ESRRG: variants seen among roughly 807,000 people sequenced by gnomAD.
The protein encoded by ESRRG is estrogen-related receptor gamma.
Under a neutral mutation model 44.0 loss-of-function variants are expected in ESRRG, and 13 were observed. The ratio of observed to expected loss-of-function variants is 0.30; its 90% CI spans 0.19 to 0.47. The LOEUF (loss-of-function observed/expected upper bound fraction) is 0.47. ESRRG is among the 20% of genes least tolerant of loss of function. The pLI is 1.00. For missense variants in ESRRG, 395 were observed against 580.6 expected (o/e 0.68, Z 3.29); for synonymous variants, 215 against 214.6 (o/e 1.00, Z -0.02).
chr1:216,649,893 T>A (rs2068530152), intron 3 of ESRRG, among the ~76,000 whole-genome samples: 1 of 152,124 alleles, frequency 6.6e-6, no homozygotes, highest in Non-Finnish European at 1.5e-5. Flanking sequence ...TCATTGACAC[T>A]CTGGTTCACT....
At chr1:216,726,641 C>G (rs2087581186), upstream of ESRRG, among the ~76,000 whole-genome samples, 1 of 152,162 alleles carries the variant, frequency 6.6e-6, no homozygotes, top group Admixed American at 6.6e-5. Flanking sequence ...TCAAGAAAAA[C>G]TGAACCAAAC....
chr1:217,094,831 G>A (rs2092399181), intron 1 of ESRRG, among the ~76,000 whole-genome samples: 1 of 152,154 alleles, frequency 6.6e-6, no homozygotes, highest in African/African-American at 2.4e-5. Flanking sequence ...TACAAACTCT[G>A]GGAAAGTAGG....
At chr1:217,027,500 C>T (rs1197262811) in intron 1 of ESRRG, among the ~76,000 whole-genome samples, 1 of 152,140 alleles carries the variant, frequency 6.6e-6, no homozygotes, top group Non-Finnish European at 1.5e-5. Flanking sequence ...ATGTTGTACA[C>T]TTAATTGCTC....
At chr1:216,522,301 G>GAGACGGAT (rs1021345833) in intron 5 of ESRRG, among the ~76,000 whole-genome samples, 2 of 138,548 alleles carry the variant, frequency 1.4e-5, no homozygotes, top group African/African-American at 5.4e-5. Flanking sequence ...GGAGCATGAG[G>GAGACGGAT]AGACGGATAT....
At chr1:217,059,283 T>A (rs944251027) in intron 1 of ESRRG, among the ~76,000 whole-genome samples, 3 of 151,702 alleles carry the variant, frequency 2.0e-5, no homozygotes. Flanking sequence ...TAAGCTATAG[T>A]GTAACTATAG....
chr1:216,675,056 A>G (rs2075852043), intron 2 of ESRRG, among the ~76,000 whole-genome samples: 1 of 152,062 alleles, frequency 6.6e-6, no homozygotes, highest in South Asian at 2.1e-4. Flanking sequence ...TTGAATTTCC[A>G]GATGCTCTTA....
intron 6 of ESRRG, among the ~76,000 whole-genome samples, chr1:216,513,216 A>C (rs1439009086): frequency 6.6e-6 from 1 of 152,098 alleles, no homozygotes; most frequent in South Asian, 2.1e-4. Flanking sequence ...TATAGATAAA[A>C]AGAGAGAGAG....
At chr1:216,548,657 C>T (rs2055306985) in intron 5 of ESRRG, among the ~76,000 whole-genome samples, 2 of 151,970 alleles carry the variant, frequency 1.3e-5, no homozygotes, top group South Asian at 4.1e-4. Flanking sequence ...ACCCTGATTC[C>T]AAATGTTAGA....
At chr1:217,041,648 G>T (rs1002483389) in intron 1 of ESRRG, among the ~76,000 whole-genome samples, 1 of 152,012 alleles carries the variant, frequency 6.6e-6, no homozygotes, top group Admixed American at 6.6e-5. Context: ...TTTGTTTATT[G>T]TTTCCTCCCT....
chr1:216,510,650 C>T (rs1315084702), intron 6 of ESRRG, among the ~76,000 whole-genome samples: 1 of 152,136 alleles, frequency 6.6e-6, no homozygotes, highest in East Asian at 1.9e-4. Context: ...CTTTGGGAGG[C>T]CGAGGCAGGC....
At chr1:216,760,543 C>T (rs1334637151) in intron 2 of ESRRG, among the ~76,000 whole-genome samples, 2 of 151,938 alleles carry the variant, frequency 1.3e-5, no homozygotes, top group African/African-American at 2.4e-5. Context: ...TTTGAGGCTA[C>T]AGTGAGCTAT....
intron 2 of ESRRG, among the ~76,000 whole-genome samples, chr1:216,775,891 T>C (rs111367824): frequency 0.013 from 1,944 of 151,804 alleles, 36 homozygotes; most frequent in African/African-American, 0.045. Flanking sequence ...TCACCCCCAA[T>C]TTATCACTCT....
At position 216,723,376 on chromosome 1, in the gene ESRRG, C is replaced by T; in HGVS notation, c.-77G>A. The T allele has an allele frequency of 7.3e-7, 1 of 1,374,616 alleles. No individual in the cohort carries two copies. Among genetic ancestry groups the T allele is most frequent in the Non-Finnish European group, 1.0e-6 (1 of 963,782 alleles). 85.2% of individuals were successfully genotyped at this position (1,374,616 alleles called of 1,614,324 possible). On this transcript the variant is annotated 5_prime_UTR_variant, in exon 1 of 7. The change creates a new upstream start codon in the 5' untranslated region. Coordinates refer to ENST00000408911, the MANE Select transcript of ESRRG (RefSeq NM_001438.4). ...TTGACAGAGCACAGTGCAATTAACA[C>T]AAATGTTCTCCTAGTGACAAGCCTA...
chr1:216,713,363 G>GA (rs67579659), intron 1 of ESRRG, among the ~76,000 whole-genome samples: 6,052 of 130,118 alleles, frequency 0.047, 317 homozygotes, highest in East Asian at 0.14. Flanking sequence ...TTCCTTTCTT[G>GA]AAAAAAAAAA....
At chr1:216,623,489 T>C (rs985032659) in intron 3 of ESRRG, among the ~76,000 whole-genome samples, 2 of 152,126 alleles carry the variant, frequency 1.3e-5, no homozygotes, top group African/African-American at 2.4e-5. Context: ...ACATAAAATA[T>C]TCCCTGCCCC....
At chr1:216,758,219 T>C (rs753463013) in intron 2 of ESRRG, among the ~76,000 whole-genome samples, 14 of 152,116 alleles carry the variant, frequency 9.2e-5, no homozygotes, top group Non-Finnish European at 1.8e-4. Context: ...GAAGCACTTA[T>C]GAGTTTTCTT....
At chr1:217,049,193 A>G (rs2085449810) in intron 1 of ESRRG, among the ~76,000 whole-genome samples, 1 of 152,162 alleles carries the variant, frequency 6.6e-6, no homozygotes, top group Non-Finnish European at 1.5e-5. Context: ...TTCTTAGATA[A>G]GCCTTTCCTG....
intron 2 of ESRRG, among the ~76,000 whole-genome samples, chr1:216,762,221 C>T (rs367606523): frequency 2.0e-5 from 3 of 146,350 alleles, no homozygotes; most frequent in South Asian, 4.5e-4. Flanking sequence ...ACCCAAAGGA[C>T]TATATATCAT....
At chr1:216,938,189 G>A (rs2064489758) in intron 2 of ESRRG, among the ~76,000 whole-genome samples, 1 of 152,142 alleles carries the variant, frequency 6.6e-6, no homozygotes, top group Non-Finnish European at 1.5e-5. Context: ...AAGGAATCTT[G>A]TGATAAATTA....
Sources: allele counts gnomAD v4.1 joint callset (sites outside exome capture counted in the v4.1 genomes callset), GRCh38; gene constraint gnomAD v4.1.1; transcripts MANE v1.5; gene names NCBI Gene and HGNC (gene_info 2026-07-23, HGNC 2026-07-21).